The following NFKBIZ variants were observed in gnomAD, a reference collection of about 807,000 sequenced individuals.
NFKBIZ encodes the protein NFKB inhibitor zeta.
NFKBIZ carries 19 observed loss-of-function variants against 76.8 expected under a neutral mutation model. The observed-to-expected ratio is 0.25, with a 90% CI of 0.17 to 0.36. NFKBIZ has a LOEUF of 0.36. Ranked by LOEUF, NFKBIZ falls within the 10% of genes least tolerant of loss-of-function variation. The probability of loss-of-function intolerance (pLI) is 1.00; values close to 1 mark genes in which losing one functional copy is unlikely to be tolerated. For synonymous variants in NFKBIZ, 368 were observed against 354.8 expected (o/e 1.04, Z -0.42); for missense variants, 829 against 910.9 (o/e 0.91, Z 1.16).
At chr3:101,846,953 A>T (rs1007873009), upstream of NFKBIZ, among the ~76,000 whole-genome samples, 1 of 152,182 alleles carries the variant, frequency 6.6e-6, no homozygotes, top group African/African-American at 2.4e-5. Flanking sequence ...TGGTGGTGTA[A>T]GTCCTAGTCA....
chr3:101,854,638 GATGAATGC>G lies in NFKBIZ; in HGVS notation c.1400_1407del (p.Met467ThrfsTer7). On this transcript the variant is annotated frameshift_variant, in exon 6 of 12. Coordinates refer to ENST00000326172, the MANE Select transcript of NFKBIZ (RefSeq NM_031419.4). LOFTEE classifies it high-confidence loss of function. Reference sequence around the variant, plus strand: ...CACTTTCCTATGTTCTTGCAAGAAAGATGAATGCACTTCACATGCTGGATATTAAAGAG... The same window carrying G: ...CACTTTCCTATGTTCTTGCAAGAAAGACTTCACATGCTGGATATTAAAGAG... 1 of 1,613,968 alleles carries G rather than the reference GATGAATGC, an allele frequency of 6.2e-7. No individual in the cohort carries two copies. Among genetic ancestry groups the G allele is most frequent in the East Asian group, 2.2e-5 (1 of 44,856 alleles).
intron 2 of NFKBIZ, among the ~76,000 whole-genome samples, chr3:101,833,918 C>T (rs767918071): frequency 6.6e-6 from 1 of 152,160 alleles, no homozygotes; most frequent in African/African-American, 2.4e-5. Context: ...CATGCTTTCT[C>T]CACCCCATAC....
At chr3:101,858,147 G>A in intron 11 of NFKBIZ, 1 of 984,616 alleles carries the variant, frequency 1.0e-6, no homozygotes, top group Non-Finnish European at 1.2e-6. Flanking sequence ...GGAATGAGGG[G>A]GATTGTGGCT....
chr3:101,831,088 TATGTGC>T (rs1942640987), intron 2 of NFKBIZ, among the ~76,000 whole-genome samples: 1 of 152,246 alleles, frequency 6.6e-6, no homozygotes, highest in South Asian at 2.1e-4. Context: ...TTGAGTAGTT[TATGTGC>T]ATCCCCATTC....
At chr3:101,855,247 C>A in intron 7 of NFKBIZ, 39 bp downstream of exon 7, 2 of 1,600,724 alleles carry the variant, frequency 1.2e-6, no homozygotes, top group African/African-American at 1.3e-5. Flanking sequence ...ATTGCAAGGC[C>A]AGAGAGATAG....
upstream of NFKBIZ, chr3:101,849,447 C>A (rs1233190994): frequency 4.6e-6 from 2 of 430,572 alleles, no homozygotes; most frequent in Non-Finnish European, 7.6e-6. Context: ...AATGGCCGGG[C>A]CGGGCGCCGG....
At position 101,849,803 on chromosome 3, in the gene NFKBIZ, G is replaced by C; in HGVS notation, c.175G>C (p.Ala59Pro). 6.8e-7 allele frequency: 1 copy of C among 1,470,232 alleles called. No individual in the cohort carries two copies. The highest frequency in any genetic ancestry group is 8.9e-7 in the Non-Finnish European group (1 of 1,118,346). 91.1% of individuals were successfully genotyped at this position (1,470,232 alleles called of 1,614,324 possible). Residue 59 changes from alanine (A) to proline (P), a missense_variant, in exon 1 of 12, where the codon GCG (alanine) becomes CCG (proline). Ala to Pro is a conservative substitution (Grantham distance 27, BLOSUM62 -1). Transcript: ENST00000326172. ...DASCSVLGPS[A>P]PGSPGSDSSD... ...CAGCTGCTCGGTCTTGGGCCCCTCGGCGCCCGGCTCGCCCGGCTCCGACTC... is the reference window on the plus strand; with the variant it reads ...CAGCTGCTCGGTCTTGGGCCCCTCGCCGCCCGGCTCGCCCGGCTCCGACTC...
At chr3:101,842,184 G>A (rs1942793326) in intron 2 of NFKBIZ, among the ~76,000 whole-genome samples, 1 of 152,188 alleles carries the variant, frequency 6.6e-6, no homozygotes, top group Non-Finnish European at 1.5e-5. Context: ...GGCTCCAGAA[G>A]TGTTGGATAT....
In NFKBIZ at chr3:101,853,358, C is replaced by T; in HGVS notation, c.832C>T (p.Gln278Ter). 1 of 1,614,128 alleles carries T rather than the reference C, an allele frequency of 6.2e-7. No individual in the cohort carries two copies. The highest frequency in any genetic ancestry group is 8.5e-7 in the Non-Finnish European group (1 of 1,180,022). Residue 278 changes from glutamine (Q) to a stop codon, truncating the protein, a stop_gained, in exon 5 of 12, where the codon CAA becomes TAA. Coordinates refer to ENST00000326172, the MANE Select transcript of NFKBIZ (RefSeq NM_031419.4). LOFTEE classifies it high-confidence loss of function. ...CCAACCATTCCAAGTCAGGGGCTCC[C>T]AACAAATGATAGACCAGGCTTCCCT... Reference protein sequence around the residue: ...KCQPFQVRGSQQMIDQASLYQ... With the variant: ...KCQPFQVRGS
chr3:101,859,329 C>A lies in NFKBIZ; in HGVS notation c.2115C>A (p.Ile705=). 1 of 1,613,514 alleles carries A rather than the reference C, an allele frequency of 6.2e-7. No individual in the cohort carries two copies. The highest frequency in any genetic ancestry group is 1.1e-5 in the South Asian group (1 of 91,058). Residue 705 remains isoleucine (I), a synonymous_variant, in exon 12 of 12, where the codon ATC becomes ATA. Transcript: ENST00000326172. ...TGTTTCTCTTCCAGATCCGACGTAT[C>A]CTGAAGGGAAAGTCCATTCAGCAGA... ...DGPVGEQIRR[I]LKGKSIQQRA... is the part of the protein sequence containing the mutation.
At chr3:101,829,140 G>C (rs1942605802) in intron 1 of NFKBIZ, among the ~76,000 whole-genome samples, 1 of 152,126 alleles carries the variant, frequency 6.6e-6, no homozygotes, top group South Asian at 2.1e-4. Flanking sequence ...CTCAGAATAC[G>C]GTGTATGGTC....
At chr3:101,858,508 A>G in intron 11 of NFKBIZ, 2 of 884,924 alleles carry the variant, frequency 2.3e-6, no homozygotes, top group South Asian at 5.2e-5. Context: ...CTATGCTCTC[A>G]GGGATCATTG....
chr3:101,850,939 A>G (rs1178855252), intron 1 of NFKBIZ, among the ~76,000 whole-genome samples: 1 of 152,338 alleles, frequency 6.6e-6, no homozygotes, highest in South Asian at 2.1e-4. Context: ...TTTACCACAC[A>G]GCCACAGGGG....
chr3:101,854,288 A>G (rs1017211479), intron 5 of NFKBIZ, among the ~76,000 whole-genome samples: 1 of 152,180 alleles, frequency 6.6e-6, no homozygotes, highest in African/African-American at 2.4e-5. Flanking sequence ...GTGTAAAATG[A>G]TAATACCTCT....
Position 101,849,822 on chromosome 3 carries a change from C to T in NFKBIZ, c.194C>T (p.Ser65Phe). The T allele has an allele frequency of 1.4e-6, 2 of 1,473,046 alleles. No individual in the cohort carries two copies. Among genetic ancestry groups the T allele is most frequent in the Non-Finnish European group, 1.8e-6 (2 of 1,119,738 alleles). The allele number at this position is 1,473,046 out of a possible 1,614,324, so 91.2% of individuals were successfully genotyped here. ...CCCTCGGCGCCCGGCTCGCCCGGCT[C>T]CGACTCCTCCGACTTCTCCTCTGCC... ...LGPSAPGSPG[S>F]DSSDFSSASS... Residue 65 changes from serine to phenylalanine, a missense_variant, in exon 1 of 12, where the codon TCC becomes TTC. Ser to Phe is a radical substitution (Grantham distance 155, BLOSUM62 -2). Coordinates refer to ENST00000326172, the MANE Select transcript of NFKBIZ (RefSeq NM_031419.4).
At chr3:101,849,949 G>C (rs1441929970) in intron 1 of NFKBIZ, 32 bp downstream of exon 1, 1 of 1,360,440 alleles carries the variant, frequency 7.4e-7, no homozygotes, top group Middle Eastern at 2.7e-4. Flanking sequence ...CTGCGTACTC[G>C]GGGCGCGCAC....
intron 2 of NFKBIZ, among the ~76,000 whole-genome samples, chr3:101,838,444 G>A (rs1418532087): frequency 6.6e-6 from 1 of 152,206 alleles, no homozygotes; most frequent in Non-Finnish European, 1.5e-5. Context: ...TAAAGCAAGG[G>A]TTGGCAGACT....
chr3:101,850,916 G>C (rs953786525), intron 1 of NFKBIZ, among the ~76,000 whole-genome samples: 1 of 152,202 alleles, frequency 6.6e-6, no homozygotes, highest in Non-Finnish European at 1.5e-5. Flanking sequence ...AAACTGTTCT[G>C]CTGGTCCCTT....
chr3:101,853,211 C>T lies in NFKBIZ; in HGVS notation c.685C>T (p.Pro229Ser), dbSNP rs1942996957. ...NIINIKNECSPVSLNTVQVSW... is the reference protein window; with the variant it reads ...NIINIKNECSSVSLNTVQVSW... ...TATCAACATTAAGAATGAATGCAGC[C>T]CCGTTTCCCTGAACACAGTTCAAGT... The change falls in exon 5 of 12, where the codon CCC becomes TCC. Residue 229 changes from proline (P) to serine (S), a missense_variant. Transcript: ENST00000326172. 6.2e-7 allele frequency: 1 copy of T among 1,614,128 alleles called. No individual in the cohort carries two copies. The highest frequency in any genetic ancestry group is 8.5e-7 in the Non-Finnish European group (1 of 1,180,034).
Sources: allele counts gnomAD v4.1 joint callset (sites outside exome capture counted in the v4.1 genomes callset), GRCh38; gene constraint gnomAD v4.1.1; transcripts MANE v1.5; gene names NCBI Gene and HGNC (gene_info 2026-07-23, HGNC 2026-07-21).